The following TMEM170B variants were observed in gnomAD, a reference collection of about 807,000 sequenced individuals.
TMEM170B encodes transmembrane protein 170B.
In TMEM170B, 6 loss-of-function variants were observed where a neutral mutation model predicts 13.0. The observed-to-expected ratio is 0.46, with a 90% CI of 0.25 to 0.91. TMEM170B has a LOEUF of 0.91. Ranked by LOEUF, TMEM170B falls within the 40% of genes least tolerant of loss-of-function variation. The pLI is 0.17. For missense variants in TMEM170B, 138 were observed against 165.2 expected (o/e 0.84, Z 0.90); for synonymous variants, 61 against 64.9 (o/e 0.94, Z 0.29).
rs1169527304 is a variant in TMEM170B at position 11,576,201 on chromosome 6, A to G, written c.*640A>G. 6.6e-6 allele frequency: 1 copy of G among 152,270 alleles called. No homozygotes were observed. Among genetic ancestry groups the G allele is most frequent in the African/African-American group, 2.4e-5 (1 of 41,454 alleles). The allele number at this position is 152,270 out of a possible 1,614,324, so 9.4% of individuals were successfully genotyped here. On this transcript the variant is annotated 3_prime_UTR_variant, in exon 3 of 3. Coordinates refer to ENST00000379426, the MANE Select transcript of TMEM170B (RefSeq NM_001100829.3). ...GTCTTCTTAACTGAAGACTAGCTCA[A>G]CTGTTTTAAGAACTCAGAGTAGCTC...
intron 1 of TMEM170B, among the ~76,000 whole-genome samples, chr6:11,560,984 G>A (rs904524048): frequency 2.0e-5 from 3 of 152,172 alleles, no homozygotes; most frequent in African/African-American, 7.2e-5. Context: ...GCTATTTCTA[G>A]TATTGTTTGG....
intron 1 of TMEM170B, among the ~76,000 whole-genome samples, chr6:11,551,214 A>ATC (rs1421564145): frequency 1.3e-5 from 2 of 152,144 alleles, no homozygotes; most frequent in Non-Finnish European, 2.9e-5. Flanking sequence ...AGAATGAGAG[A>ATC]TCACACACAC....
intron 1 of TMEM170B, among the ~76,000 whole-genome samples, chr6:11,563,094 T>C (rs1003516964): frequency 6.6e-6 from 1 of 152,206 alleles, no homozygotes; most frequent in African/African-American, 2.4e-5. Flanking sequence ...CCTAGCACTT[T>C]GAGAGGCCAA....
chr6:11,582,178 CT>C lies in TMEM170B; in HGVS notation c.*6620del, dbSNP rs1759966161. On this transcript the variant is annotated 3_prime_UTR_variant, in exon 3 of 3. Transcript: ENST00000379426. ...CTTGAAAGTTAACTAGCTAAAATGT[CT>C]TTATTTAAATAGCAAAAATATAGTT... 6.6e-6 allele frequency: 1 copy of C among 152,142 alleles called. No homozygotes were observed. Among genetic ancestry groups the C allele is most frequent in the Non-Finnish European group, 1.5e-5 (1 of 68,016 alleles). 9.4% of individuals were successfully genotyped at this position (152,142 alleles called of 1,614,324 possible).
At chr6:11,555,408 T>A (rs953046831) in intron 1 of TMEM170B, among the ~76,000 whole-genome samples, 1 of 152,192 alleles carries the variant, frequency 6.6e-6, no homozygotes, top group Non-Finnish European at 1.5e-5. Flanking sequence ...TTTTTGGTTC[T>A]TGGAAGTGGG....
chr6:11,575,436 G>A lies in TMEM170B; in HGVS notation c.274G>A (p.Ala92Thr). The change falls in exon 3 of 3, where the codon GCA (alanine) becomes ACA (threonine). Residue 92 changes from alanine (A) to threonine (T), a missense_variant. Coordinates refer to ENST00000379426, the MANE Select transcript of TMEM170B (RefSeq NM_001100829.3). This position sits in a 1 kb window ranked among gnomAD's most constrained non-coding sequence, Gnocchi z 4.1. The stretch of plus-strand genomic sequence containing the variant: ...TTTCTCCCGTTTCTCCTTAGGTGCA[G>A]CAGTAGCGGGCATTTACAGAGTAGC... ...SVTGAMITSAAVAGIYRVAGK... is the reference protein window; with the variant it reads ...SVTGAMITSATVAGIYRVAGK... 1 of 1,613,356 alleles carries A rather than the reference G, an allele frequency of 6.2e-7. No homozygotes were observed.
intron 1 of TMEM170B, among the ~76,000 whole-genome samples, chr6:11,544,949 GT>G (rs113858583): frequency 0.058 from 8,568 of 147,064 alleles, 264 homozygotes; most frequent in East Asian, 0.16. Context: ...ACAATTAAAT[GT>G]TTTTTTTTTG....
chr6:11,548,494 C>G (rs1021904912), intron 1 of TMEM170B, among the ~76,000 whole-genome samples: 2 of 151,630 alleles, frequency 1.3e-5, no homozygotes, highest in Non-Finnish European at 2.9e-5. Flanking sequence ...TAAACTAGTT[C>G]AACCATTGTG....
chr6:11,540,197 A>C (rs571136658), intron 1 of TMEM170B, among the ~76,000 whole-genome samples: 7 of 152,328 alleles, frequency 4.6e-5, no homozygotes, highest in Non-Finnish European at 8.8e-5. Context: ...TTAAAACAGC[A>C]ATGAAGTTTG....
rs1406578200 is a variant in TMEM170B, at chr6:11,575,377, T to C, written c.269-54T>C. The C allele has an allele frequency of 1.2e-6, 2 of 1,605,302 alleles. No individual in the cohort carries two copies. Among genetic ancestry groups the C allele is most frequent in the East Asian group, 2.2e-5 (1 of 44,786 alleles). On this transcript the variant is annotated intron_variant, in intron 2 of 2. Transcript: ENST00000379426. The surrounding 1 kb of genome is among the most constrained non-coding windows in gnomAD (Gnocchi z 4.1). The stretch of plus-strand genomic sequence containing the variant: ...AGAGCTCTTAAGGTGCAGCATGCAG[T>C]GTGTTATAAAACGAGTGACTGTATC...
intron 1 of TMEM170B, among the ~76,000 whole-genome samples, chr6:11,540,335 C>T (rs942901639): frequency 7.9e-5 from 12 of 152,188 alleles, no homozygotes; most frequent in South Asian, 2.1e-4. Flanking sequence ...AACCCTGCTG[C>T]GGCTTTATCA....
chr6:11,543,628 G>C (rs1759391690), intron 1 of TMEM170B, among the ~76,000 whole-genome samples: 1 of 152,202 alleles, frequency 6.6e-6, no homozygotes, highest in East Asian at 1.9e-4. Flanking sequence ...AACTCAGAAG[G>C]CATTTTTTCG....
intron 1 of TMEM170B, among the ~76,000 whole-genome samples, chr6:11,561,902 G>A (rs569289665): frequency 6.6e-6 from 1 of 152,014 alleles, no homozygotes; most frequent in Non-Finnish European, 1.5e-5. Flanking sequence ...CTTCTATTAG[G>A]TAGATTTATT....
chr6:11,572,444 A>G lies in TMEM170B; in HGVS notation c.269-2987A>G, dbSNP rs549186776. ...AATCAAGAGTTTATTTAACTTTTTCATTGTATACCAATATTTTTATTTGAT... is the reference window on the plus strand; with the variant it reads ...AATCAAGAGTTTATTTAACTTTTTCGTTGTATACCAATATTTTTATTTGAT... On this transcript the variant is annotated intron_variant, in intron 2 of 2. Transcript: ENST00000379426. 1.8e-3 allele frequency among the ~76,000 whole-genome samples: 269 copies of G among 152,226 alleles called. 1 individual carries two copies. The highest frequency in any genetic ancestry group is 6.1e-3 in the African/African-American group (252 of 41,542).
At chr6:11,547,999 CAGAAGAG>C (rs1446820734) in intron 1 of TMEM170B, among the ~76,000 whole-genome samples, 1 of 152,034 alleles carries the variant, frequency 6.6e-6, no homozygotes, top group Middle Eastern at 3.2e-3. Context: ...GAAACCTAAA[CAGAAGAG>C]AGAGGAGGTA....
rs1454775356 is a variant in TMEM170B at position 11,579,971 on chromosome 6, C to CG, written c.*4410_*4411insG. 1 of 152,190 alleles carries CG rather than the reference C, an allele frequency of 6.6e-6. No individual in the cohort carries two copies. Among genetic ancestry groups the CG allele is most frequent in the East Asian group, 1.9e-4 (1 of 5,204 alleles). 9.4% of individuals were successfully genotyped at this position (152,190 alleles called of 1,614,324 possible). A position where few individuals can be genotyped will look rare whatever the true frequency, so the allele number is the denominator to read the frequency against. On this transcript the variant is annotated 3_prime_UTR_variant, in exon 3 of 3. Transcript: ENST00000379426. ...TCAGTGTCTACCAAGTTCTTTCTTC[C>CG]ACAGGCCAAGGGTGCTTAAGCCCTA...
In TMEM170B at chr6:11,577,886, ACTGT is replaced by A. The variant is rs2113788208; in HGVS notation, c.*2328_*2331del. ...GTTATTTCCATTGAGATTTTGTGCA[ACTGT>A]CTCTCTTTTGATGTTTTGAGATGCA... On this transcript the variant is annotated 3_prime_UTR_variant, in exon 3 of 3. Coordinates refer to ENST00000379426, the MANE Select transcript of TMEM170B (RefSeq NM_001100829.3). The A allele has an allele frequency of 6.6e-6, 1 of 152,168 alleles. No individual in the cohort carries two copies. The highest frequency in any genetic ancestry group is 1.9e-4 in the East Asian group (1 of 5,186). 9.4% of individuals were successfully genotyped at this position (152,168 alleles called of 1,614,324 possible). A position where few individuals can be genotyped will look rare whatever the true frequency, so the allele number is the denominator to read the frequency against.
chr6:11,542,805 G>T (rs191229508), intron 1 of TMEM170B, among the ~76,000 whole-genome samples: 1 of 152,118 alleles, frequency 6.6e-6, no homozygotes, highest in Non-Finnish European at 1.5e-5. Context: ...CAAAAGAGGC[G>T]AGTAAACACA....
chr6:11,539,104 G>T (rs12194771), intron 1 of TMEM170B, among the ~76,000 whole-genome samples: 72,551 of 152,088 alleles, frequency 0.48, 18,581 homozygotes, highest in Admixed American at 0.62. Context: ...ATTTGTAAAA[G>T]TGAGTGATAA....
Sources: allele counts gnomAD v4.1 joint callset (sites outside exome capture counted in the v4.1 genomes callset), GRCh38; gene constraint gnomAD v4.1.1; non-coding constraint Gnocchi (gnomAD v3.1); transcripts MANE v1.5; gene names NCBI Gene and HGNC (gene_info 2026-07-23, HGNC 2026-07-21).